USH2A: variants seen among roughly 807,000 people sequenced by gnomAD.
The protein encoded by USH2A is Usher syndrome 2A (autosomal recessive, mild).
In USH2A, 443 loss-of-function variants were observed where a neutral mutation model predicts 538.9. That is an observed-to-expected ratio of 0.82 (90% CI 0.76 to 0.89). The LOEUF (loss-of-function observed/expected upper bound fraction) is 0.89. Among genes scored for constraint, USH2A ranks in the 40% least tolerant of loss-of-function variants. USH2A has a pLI of 0.00. For missense variants in USH2A, 6,633 were observed against 6,324.8 expected (o/e 1.05, Z -1.65); for synonymous variants, 2,413 against 2,273.5 (o/e 1.06, Z -1.75).
At chr1:215,722,123 T>A (rs1659682638) in intron 61 of USH2A, among the ~76,000 whole-genome samples, 2 of 152,000 alleles carry the variant, frequency 1.3e-5, no homozygotes, top group Admixed American at 1.3e-4. Flanking sequence ...TGTGTGATAT[T>A]TACTCACCCA....
chr1:215,672,360 C>T (rs1657844634), intron 63 of USH2A, among the ~76,000 whole-genome samples: 1 of 152,210 alleles, frequency 6.6e-6, no homozygotes, highest in South Asian at 2.1e-4. Context: ...GTCTCTTCCA[C>T]CTTTTTGCTT....
chr1:215,640,811 A>AT, intron 67 of USH2A, 77 bp from the exon 68 acceptor site: 3 of 1,443,998 alleles, frequency 2.1e-6, no homozygotes, highest in Non-Finnish European at 2.9e-6. Context: ...AAAAAAAAAA[A>AT]ATATGAGCAA....
Position 215,759,779 on chromosome 1 carries a change from C to A in USH2A, c.11112G>T (p.Leu3704=). ...NSTTVELYWS[L]PEKPNGLVSQ... is the part of the protein sequence containing the mutation. ...AAACGAGGCCATTGGGCTTTTCTGG[C>A]AGACTCCAATATAATTCCACTGTTG... Residue 3704 remains leucine, a synonymous_variant, in exon 57 of 72, where the codon CTG becomes CTT. Transcript: ENST00000307340. The A allele has an allele frequency of 1.2e-6, 2 of 1,614,036 alleles. No homozygotes were observed. Among genetic ancestry groups the A allele is most frequent in the East Asian group, 4.5e-5 (2 of 44,862 alleles).
chr1:215,725,373 A>T (rs1659780113), intron 61 of USH2A, among the ~76,000 whole-genome samples: 1 of 152,184 alleles, frequency 6.6e-6, no homozygotes, highest in Admixed American at 6.5e-5. Context: ...AATAAGTGAA[A>T]CACAAAAACA....
At chr1:215,815,999 A>G (rs1304055709) in intron 48 of USH2A, among the ~76,000 whole-genome samples, 2 of 152,112 alleles carry the variant, frequency 1.3e-5, no homozygotes, top group African/African-American at 2.4e-5. Flanking sequence ...ACTTCGTAAC[A>G]GATAATAAAT....
At chr1:216,418,747 G>A in intron 2 of USH2A, 68 bp from the exon 3 acceptor site, 3 of 1,572,884 alleles carry the variant, frequency 1.9e-6, no homozygotes, top group East Asian at 2.3e-5. Flanking sequence ...AAGGTATTGT[G>A]CAGTTACAGT....
intron 60 of USH2A, among the ~76,000 whole-genome samples, chr1:215,731,382 G>T (rs773052915): frequency 2.6e-5 from 4 of 152,276 alleles, no homozygotes; most frequent in Non-Finnish European, 5.9e-5. Flanking sequence ...GAGCAGAAGT[G>T]GTTGAGTAGA....
chr1:216,236,634 A>G (rs2035823413), intron 13 of USH2A, among the ~76,000 whole-genome samples: 1 of 152,168 alleles, frequency 6.6e-6, no homozygotes, highest in Non-Finnish European at 1.5e-5. Flanking sequence ...AAAATGGTAA[A>G]CATAAATCTG....
At chr1:215,756,784 C>G (rs1277657449) in intron 58 of USH2A, among the ~76,000 whole-genome samples, 1 of 151,984 alleles carries the variant, frequency 6.6e-6, no homozygotes, top group African/African-American at 2.4e-5. Flanking sequence ...ATTAGCCAGG[C>G]ATGGTGGTGT....
intron 11 of USH2A, among the ~76,000 whole-genome samples, chr1:216,265,656 T>C (rs545154394): frequency 6.6e-6 from 1 of 151,490 alleles, no homozygotes; most frequent in East Asian, 1.9e-4. Context: ...ATATATCATA[T>C]ATCACATATA....
intron 44 of USH2A, among the ~76,000 whole-genome samples, chr1:215,862,787 T>A (rs1040622496): frequency 6.6e-6 from 1 of 152,224 alleles, no homozygotes; most frequent in African/African-American, 2.4e-5. Flanking sequence ...GCAGTTATTA[T>A]CTTCATATTT....
intron 32 of USH2A, among the ~76,000 whole-genome samples, chr1:216,013,044 T>A (rs1668614684): frequency 6.6e-6 from 1 of 152,206 alleles, no homozygotes; most frequent in African/African-American, 2.4e-5. Context: ...CTGCCACTCT[T>A]AACTCTTGAA....
At chr1:215,669,748 C>T (rs777971240) in intron 64 of USH2A, among the ~76,000 whole-genome samples, 7 of 152,110 alleles carry the variant, frequency 4.6e-5, no homozygotes, top group African/African-American at 9.7e-5. Context: ...CCAAACCATT[C>T]GAGAATTTAT....
At chr1:216,121,265 T>C (rs534455484) in intron 21 of USH2A, among the ~76,000 whole-genome samples, 7 of 152,306 alleles carry the variant, frequency 4.6e-5, no homozygotes, top group Non-Finnish European at 2.9e-5. Flanking sequence ...TATGTTAAAC[T>C]AAAAGGTTGA....
At chr1:216,266,344 A>T (rs2036473089) in intron 11 of USH2A, among the ~76,000 whole-genome samples, 1 of 152,166 alleles carries the variant, frequency 6.6e-6, no homozygotes, top group Non-Finnish European at 1.5e-5. Flanking sequence ...TAAGTCACAT[A>T]GAAAATACAG....
At position 216,006,978 on chromosome 1, in the gene USH2A, G is replaced by A. The variant is rs991074040; in HGVS notation, c.6326-6416C>T. ...GTAGTTCCCATAATTCCCACATGTTGTGGGAGGGACCCGGTGGGAGATAAT... is the reference window on the plus strand; with the variant it reads ...GTAGTTCCCATAATTCCCACATGTTATGGGAGGGACCCGGTGGGAGATAAT... On this transcript the variant is annotated intron_variant, in intron 32 of 71. Coordinates refer to ENST00000307340, the MANE Select transcript of USH2A (RefSeq NM_206933.4). 1.4e-4 allele frequency among the ~76,000 whole-genome samples: 21 copies of A among 152,284 alleles called. No homozygotes were observed. The East Asian group carries it at 4.1e-3, about 29-fold the overall frequency.
chr1:216,065,633 A>G (rs2031332568), intron 30 of USH2A, among the ~76,000 whole-genome samples: 1 of 152,252 alleles, frequency 6.6e-6, no homozygotes, highest in Non-Finnish European at 1.5e-5. Flanking sequence ...GCAGTGGCTC[A>G]TGCCTGTAAT....
At chr1:215,684,206 C>T (rs1658336882) in intron 61 of USH2A, among the ~76,000 whole-genome samples, 1 of 152,152 alleles carries the variant, frequency 6.6e-6, no homozygotes, top group South Asian at 2.1e-4. Flanking sequence ...AGTTGAGGTT[C>T]TGCTGGCAAT....
At chr1:216,238,826 A>G (rs1343204592) in intron 13 of USH2A, among the ~76,000 whole-genome samples, 1 of 152,178 alleles carries the variant, frequency 6.6e-6, no homozygotes, top group Non-Finnish European at 1.5e-5. Flanking sequence ...AAAGGGAGGC[A>G]GAAGTCCTTA....
Sources: allele counts gnomAD v4.1 joint callset (sites outside exome capture counted in the v4.1 genomes callset), GRCh38; gene constraint gnomAD v4.1.1; transcripts MANE v1.5; gene names NCBI Gene and HGNC (gene_info 2026-07-23, HGNC 2026-07-21).